Variants in KCNN2 observed in about 807,000 individuals in gnomAD.
KCNN2 encodes potassium calcium-activated channel subfamily N member 2.
A neutral mutation model predicts 55.5 loss-of-function variants in KCNN2; 24 were observed. The observed-to-expected ratio is 0.43, with a 90% confidence interval of 0.31 to 0.61. The LOEUF (loss-of-function observed/expected upper bound fraction) is 0.61. Among genes scored for constraint, KCNN2 ranks in the 20% least tolerant of loss-of-function variants. KCNN2 has a pLI of 0.08. For synonymous variants in KCNN2, 431 were observed against 336.1 expected (o/e 1.28, Z -3.09); for missense variants, 754 against 853.6 (o/e 0.88, Z 1.45).
chr5:114,296,169 C>G (rs1262548823), intron 2 of KCNN2, among the ~76,000 whole-genome samples: 1 of 152,188 alleles, frequency 6.6e-6, no homozygotes, highest in African/African-American at 2.4e-5. Context: ...AAACATTGTT[C>G]TAAGCCATCA....
chr5:114,087,950 A>T (rs1450951065), intron 1 of KCNN2, among the ~76,000 whole-genome samples: 1 of 152,116 alleles, frequency 6.6e-6, no homozygotes, highest in East Asian at 1.9e-4. Context: ...TATGTGGGTT[A>T]TAAATCTCAT....
intron 2 of KCNN2, among the ~76,000 whole-genome samples, chr5:114,386,999 A>G (rs1561600901): frequency 6.6e-6 from 1 of 152,100 alleles, no homozygotes. Flanking sequence ...CTTCCTGGTT[A>G]TGTGTCATTC....
chr5:114,398,809 G>T (rs1758697770), intron 2 of KCNN2, among the ~76,000 whole-genome samples: 1 of 152,084 alleles, frequency 6.6e-6, no homozygotes, highest in South Asian at 2.1e-4. Flanking sequence ...TAGTTATTAT[G>T]AATGGGATTG....
At chr5:114,140,882 G>A (rs1341915000) in intron 1 of KCNN2, among the ~76,000 whole-genome samples, 3 of 151,102 alleles carry the variant, frequency 2.0e-5, no homozygotes, top group Non-Finnish European at 2.9e-5. Context: ...TCCACCTCCC[G>A]GGTTGAATCA....
chr5:114,474,312 T>TATCA (rs1761877963), intron 5 of KCNN2, among the ~76,000 whole-genome samples: 1 of 152,220 alleles, frequency 6.6e-6, no homozygotes, highest in Admixed American at 6.5e-5. Context: ...AAGTCTTACC[T>TATCA]ATCAGACAGT....
chr5:114,286,666 A>G (rs960500335), intron 2 of KCNN2, among the ~76,000 whole-genome samples: 17 of 152,178 alleles, frequency 1.1e-4, no homozygotes, highest in Non-Finnish European at 2.2e-4. Flanking sequence ...TTAGTTGACT[A>G]ACAAGACTAG....
At chr5:114,225,729 A>G (rs1284211059) in intron 2 of KCNN2, among the ~76,000 whole-genome samples, 2 of 152,214 alleles carry the variant, frequency 1.3e-5, no homozygotes, top group Non-Finnish European at 2.9e-5. Context: ...TACCAAAAAG[A>G]GATTCTAAAA....
intron 1 of KCNN2, among the ~76,000 whole-genome samples, chr5:114,219,094 T>C (rs1341112995): frequency 2.0e-5 from 3 of 152,196 alleles, no homozygotes; most frequent in African/African-American, 7.2e-5. Flanking sequence ...CCAGCTGCTT[T>C]TGGGCACCAG....
chr5:114,105,057 C>T (rs1348459526), intron 1 of KCNN2, among the ~76,000 whole-genome samples: 7 of 152,048 alleles, frequency 4.6e-5, no homozygotes, highest in Non-Finnish European at 5.9e-5. Context: ...TCATTCATCA[C>T]GAGTACAATT....
At chr5:114,494,172 G>A (rs1476473769) in intron 7 of KCNN2, among the ~76,000 whole-genome samples, 2 of 151,742 alleles carry the variant, frequency 1.3e-5, no homozygotes, top group East Asian at 3.9e-4. Flanking sequence ...AATTCTAAAG[G>A]TGGTATTAGA....
At chr5:114,144,299 A>G (rs1158832278) in intron 1 of KCNN2, among the ~76,000 whole-genome samples, 4 of 152,154 alleles carry the variant, frequency 2.6e-5, no homozygotes, top group Non-Finnish European at 5.9e-5. Flanking sequence ...TTTGTCTTAG[A>G]TCATTAATTT....
At chr5:114,406,631 T>C (rs533886671) in intron 3 of KCNN2, among the ~76,000 whole-genome samples, 1 of 152,212 alleles carries the variant, frequency 6.6e-6, no homozygotes, top group African/African-American at 2.4e-5. Flanking sequence ...TCTCTCACAT[T>C]ATATAAATAC....
chr5:114,277,012 G>A (rs560647525), intron 2 of KCNN2, among the ~76,000 whole-genome samples: 1 of 152,134 alleles, frequency 6.6e-6, no homozygotes, highest in South Asian at 2.1e-4. Flanking sequence ...TCCTTCAGGA[G>A]CTCTTGTAGG....
At chr5:114,316,616 T>G (rs956403008) in intron 2 of KCNN2, among the ~76,000 whole-genome samples, 1 of 152,136 alleles carries the variant, frequency 6.6e-6, no homozygotes, top group Non-Finnish European at 1.5e-5. Flanking sequence ...AAACCCAGAG[T>G]TCTCAGGAAT....
rs556472248 is a variant in KCNN2, at chr5:114,178,962, C to G, written c.-270-42518C>G. Among the ~76,000 whole-genome samples, 10 of 152,172 alleles carry G rather than the reference C, an allele frequency of 6.6e-5. No individual in the cohort carries two copies. In the South Asian group the frequency reaches 2.1e-3, roughly 32 times the overall value. On this transcript the variant is annotated intron_variant, in intron 1 of 10. Transcript: ENST00000512097. ...GAGGGAATATGAATATGGTCTAGCC[C>G]CTGGAGACTTTGAATGCAAAGACAT...
intron 2 of KCNN2, among the ~76,000 whole-genome samples, chr5:114,306,700 CTTTTTT>C (rs1245549186): frequency 8.7e-6 from 1 of 115,522 alleles, no homozygotes. Context: ...TTTTTTTTTT[CTTTTTT>C]TTTTTTTTTT....
intron 2 of KCNN2, among the ~76,000 whole-genome samples, chr5:114,265,835 T>TGACTACTCACCCTGTGCTCTTTGCC (rs1458688318): frequency 1.3e-5 from 2 of 152,148 alleles, no homozygotes; most frequent in African/African-American, 4.8e-5. Context: ...TGGTGTTTGT[T>TGACTACTCACCCTGTGCTCTTTGCC]GACTACTCAC....
At chr5:114,139,309 T>G (rs1752228621) in intron 1 of KCNN2, among the ~76,000 whole-genome samples, 1 of 152,032 alleles carries the variant, frequency 6.6e-6, no homozygotes, top group South Asian at 2.1e-4. Context: ...AGATTTGGAG[T>G]GGAAAAATTT....
intron 1 of KCNN2, among the ~76,000 whole-genome samples, chr5:114,160,031 C>G (rs1301484353): frequency 1.3e-5 from 2 of 152,074 alleles, no homozygotes; most frequent in African/African-American, 4.8e-5. Context: ...TTAGTTATTT[C>G]TTGCCTTCTG....
Sources: allele counts gnomAD v4.1 joint callset (sites outside exome capture counted in the v4.1 genomes callset), GRCh38; gene constraint gnomAD v4.1.1; transcripts MANE v1.5; gene names NCBI Gene and HGNC (gene_info 2026-07-23, HGNC 2026-07-21).